Variants in VPS13B observed in about 807,000 individuals in gnomAD.
The protein encoded by VPS13B is intermembrane lipid transfer protein VPS13B.
Under a neutral mutation model 426.4 loss-of-function variants are expected in VPS13B, and 285 were observed. The ratio of observed to expected loss-of-function variants is 0.67; its 90% confidence interval spans 0.61 to 0.74. The LOEUF is 0.74. Among genes scored for constraint, VPS13B ranks in the 30% least tolerant of loss-of-function variants. VPS13B has a pLI of 0.00. For missense variants in VPS13B, 4,537 were observed against 4,782.6 expected (o/e 0.95, Z 1.51); for synonymous variants, 1,676 against 1,676.4 (o/e 1.00, Z 0.01).
chr8:99,396,705 T>C (rs1317956805), intron 21 of VPS13B, among the ~76,000 whole-genome samples: 2 of 152,098 alleles, frequency 1.3e-5, no homozygotes, highest in African/African-American at 4.8e-5. Context: ...TGCATCAGAG[T>C]TACCAAGATA....
intron 31 of VPS13B, among the ~76,000 whole-genome samples, chr8:99,575,265 A>G (rs2133807599): frequency 6.6e-6 from 1 of 152,362 alleles, no homozygotes; most frequent in East Asian, 1.9e-4. Context: ...GCAAGACAGC[A>G]GTTATCAAAT....
At chr8:99,114,612 C>G (rs748018285) in intron 6 of VPS13B, among the ~76,000 whole-genome samples, 1 of 152,222 alleles carries the variant, frequency 6.6e-6, no homozygotes, top group African/African-American at 2.4e-5. Context: ...ACCTCCCACA[C>G]TCATTCCCCG....
intron 16 of VPS13B, among the ~76,000 whole-genome samples, chr8:99,188,843 G>A (rs1471583277): frequency 6.6e-6 from 1 of 151,938 alleles, no homozygotes; most frequent in Non-Finnish European, 1.5e-5. Context: ...TTTTTCATGC[G>A]CTTATTGGCC....
chr8:99,156,407 A>T lies in VPS13B; in HGVS notation c.2014-142A>T. ...AAGACATTTGTTATTTGGTTATGGC[A>T]AGAGAGTTCTGTAGAAAGGCATCAT... On this transcript the variant is annotated intron_variant, in intron 14 of 61. Coordinates refer to ENST00000357162, the MANE Select transcript of VPS13B (RefSeq NM_152564.5). 3 of 731,840 alleles carry T rather than the reference A, an allele frequency of 4.1e-6. No individual in the cohort carries two copies. In the East Asian group the frequency reaches 8.1e-5, roughly 20 times the overall value. The allele number at this position is 731,840 out of a possible 1,614,324, so 45.3% of individuals were successfully genotyped here.
intron 30 of VPS13B, among the ~76,000 whole-genome samples, chr8:99,524,155 A>C (rs62534589): frequency 0.021 from 3,128 of 152,220 alleles, 47 homozygotes; most frequent in Non-Finnish European, 0.03. Flanking sequence ...AGAAAGAATT[A>C]GTAAGCTTGA....
At chr8:99,510,081 G>A (rs946630734) in intron 28 of VPS13B, among the ~76,000 whole-genome samples, 4 of 152,106 alleles carry the variant, frequency 2.6e-5, no homozygotes, top group African/African-American at 9.7e-5. Flanking sequence ...ATGATTTACA[G>A]GATAGTGATA....
chr8:99,688,205 G>C (rs962796472), intron 35 of VPS13B, among the ~76,000 whole-genome samples: 2 of 148,594 alleles, frequency 1.3e-5, no homozygotes, highest in African/African-American at 5.0e-5. Flanking sequence ...GCAATAAAGA[G>C]TTTTAAACAG....
intron 31 of VPS13B, among the ~76,000 whole-genome samples, chr8:99,574,529 A>G (rs1238614278): frequency 6.6e-6 from 1 of 152,186 alleles, no homozygotes; most frequent in African/African-American, 2.4e-5. Flanking sequence ...GAATTTTGTC[A>G]AAGGCCTTTT....
chr8:99,088,462 C>T (rs115857975), intron 3 of VPS13B, among the ~76,000 whole-genome samples: 1 of 152,118 alleles, frequency 6.6e-6, no homozygotes, highest in African/African-American at 2.4e-5. Context: ...GAATAAAGGA[C>T]AGAGGATTTT....
At chr8:99,115,201 A>G (rs558568286) in intron 6 of VPS13B, among the ~76,000 whole-genome samples, 1 of 152,214 alleles carries the variant, frequency 6.6e-6, no homozygotes, top group African/African-American at 2.4e-5. Context: ...TTGTAATACT[A>G]GTCTTTTCCC....
intron 19 of VPS13B, among the ~76,000 whole-genome samples, chr8:99,283,489 C>A (rs1819271215): frequency 6.6e-6 from 1 of 152,122 alleles, no homozygotes; most frequent in Non-Finnish European, 1.5e-5. Flanking sequence ...GAATTAGGGG[C>A]AAAATGTAAC....
chr8:99,406,223 GT>G (rs74275398), intron 21 of VPS13B, among the ~76,000 whole-genome samples: 1,413 of 136,552 alleles, frequency 0.01, 17 homozygotes, highest in African/African-American at 0.031. Flanking sequence ...TCCTGTTCTT[GT>G]TTTTTTTTTT....
intron 44 of VPS13B, among the ~76,000 whole-genome samples, chr8:99,816,379 G>C (rs1814039505): frequency 6.6e-6 from 1 of 152,152 alleles, no homozygotes; most frequent in Non-Finnish European, 1.5e-5. Context: ...TGGGATTACA[G>C]GCGTGAACCA....
chr8:99,316,918 C>G (rs967527622), intron 19 of VPS13B, among the ~76,000 whole-genome samples: 4 of 152,112 alleles, frequency 2.6e-5, no homozygotes, highest in Non-Finnish European at 5.9e-5. Context: ...TTTTTGGAAT[C>G]TTTTTTTCTG....
At chr8:99,163,550 AG>A (rs2132644658) in intron 15 of VPS13B, among the ~76,000 whole-genome samples, 1 of 152,332 alleles carries the variant, frequency 6.6e-6, no homozygotes, top group Non-Finnish European at 1.5e-5. Context: ...CCCCGTGGGA[AG>A]GCAGCTAAGG....
At chr8:99,218,959 TTG>T (rs547282365) in intron 17 of VPS13B, among the ~76,000 whole-genome samples, 256 of 151,686 alleles carry the variant, frequency 1.7e-3, no homozygotes, top group Non-Finnish European at 3.2e-3. Context: ...CAGGCAGCAA[TTG>T]TGACAATCTG....
At chr8:99,585,320 A>G (rs962526091) in intron 33 of VPS13B, among the ~76,000 whole-genome samples, 2 of 152,216 alleles carry the variant, frequency 1.3e-5, no homozygotes, top group Non-Finnish European at 2.9e-5. Flanking sequence ...TGGTATTTTA[A>G]TGAAATTTGT....
intron 17 of VPS13B, among the ~76,000 whole-genome samples, chr8:99,219,493 C>T (rs1815577111): frequency 6.6e-6 from 1 of 152,196 alleles, no homozygotes; most frequent in Non-Finnish European, 1.5e-5. Flanking sequence ...CAGAATACTA[C>T]AGGCAGGATA....
chr8:99,606,516 AAAAAAGAAAAAG>A (rs1037280441), intron 33 of VPS13B, among the ~76,000 whole-genome samples: 4 of 149,578 alleles, frequency 2.7e-5, no homozygotes, highest in African/African-American at 9.8e-5. Flanking sequence ...AAAAAAAAAG[AAAAAAGAAAAAG>A]AAAAAGAAAA....
Sources: gnomAD v4.1 joint callset for allele counts (sites outside exome capture counted in the v4.1 genomes callset) on GRCh38, gnomAD v4.1.1 for gene constraint, MANE v1.5 for transcripts, NCBI Gene and HGNC (gene_info 2026-07-23, HGNC 2026-07-21) for gene names.